The following ANKRD11 variants were observed in gnomAD, a reference collection of about 807,000 sequenced individuals.
ANKRD11 encodes ankyrin repeat domain 11.
In ANKRD11, 17 loss-of-function variants were observed where a neutral mutation model predicts 195.7. The observed-to-expected ratio is 0.09, with a 90% CI of 0.06 to 0.13. The LOEUF is 0.13. ANKRD11 is among the 10% of genes least tolerant of loss of function. ANKRD11 has a pLI of 1.00. For synonymous variants in ANKRD11, 1,953 were observed against 1,528.1 expected, an observed-to-expected ratio of 1.28 and a Z score of -6.49; for missense variants, 3,735 against 3,566.1, an observed-to-expected ratio of 1.05 and a Z score of -1.21.
At chr16:89,341,598 GC>G (rs1339500707) in intron 2 of ANKRD11, among the ~76,000 whole-genome samples, 1 of 152,204 alleles carries the variant, frequency 6.6e-6, no homozygotes, top group Non-Finnish European at 1.5e-5. Context: ...ACCACCCACT[GC>G]CTCCTCTCCC....
intron 4 of ANKRD11, chr16:89,300,446 C>A (rs2035778632): frequency 5.2e-6 from 1 of 193,564 alleles, no homozygotes; most frequent in Admixed American, 6.0e-5. Context: ...TCTCCAGGCA[C>A]CTGCCCCGCC....
rs2034155082 is a variant in ANKRD11, at chr16:89,280,783, G to A, written c.5759C>T (p.Thr1920Met). 2.5e-6 allele frequency: 4 copies of A among 1,611,284 alleles called. No homozygotes were observed. Among genetic ancestry groups the A allele is most frequent in the Non-Finnish European group, 2.5e-6 (3 of 1,178,174 alleles). ...DLDTSEDQQATAAIIPPEPSY... is the reference protein window; with the variant it reads ...DLDTSEDQQAMAAIIPPEPSY... ...GGGCTCCGGGGGGATGATGGCGGCC[G>A]TCGCCTGCTGGTCCTCGGAGGTGTC... The change falls in exon 9 of 13, where the codon ACG becomes ATG. Residue 1920 changes from threonine to methionine, a missense_variant. Thr to Met is a moderately conservative substitution (Grantham distance 81, BLOSUM62 -1). Coordinates refer to ENST00000301030, the MANE Select transcript of ANKRD11 (RefSeq NM_013275.6).
intron 2 of ANKRD11, among the ~76,000 whole-genome samples, chr16:89,396,788 G>A (rs562933354): frequency 6.6e-6 from 1 of 152,274 alleles, no homozygotes; most frequent in Admixed American, 6.5e-5. Context: ...CCAGGTTCAC[G>A]CCGTTCTCCT....
intron 4 of ANKRD11, among the ~76,000 whole-genome samples, chr16:89,302,140 T>A (rs1463017421): frequency 6.6e-6 from 1 of 152,220 alleles, no homozygotes; most frequent in East Asian, 1.9e-4. Flanking sequence ...CCCACTCATT[T>A]CTGAGCAAGA....
chr16:89,318,625 C>T (rs970844015), intron 2 of ANKRD11, among the ~76,000 whole-genome samples: 10 of 152,244 alleles, frequency 6.6e-5, no homozygotes, highest in East Asian at 1.9e-4. Context: ...CTAAAGGATA[C>T]GTTGCATGCC....
chr16:89,419,281 G>A (rs775964648), intron 1 of ANKRD11, among the ~76,000 whole-genome samples: 5 of 151,366 alleles, frequency 3.3e-5, no homozygotes, highest in East Asian at 2.0e-4. Flanking sequence ...GCAAAACCCC[G>A]TCTCTACTGA....
intron 2 of ANKRD11, among the ~76,000 whole-genome samples, chr16:89,384,293 G>A (rs745833780): frequency 3.3e-5 from 5 of 152,224 alleles, no homozygotes; most frequent in Non-Finnish European, 7.3e-5. Flanking sequence ...CACTTTGGGA[G>A]ACCGAGTTGG....
In ANKRD11 at chr16:89,283,085, C is replaced by T; in HGVS notation, c.3457G>A (p.Glu1153Lys). ...LPRTDGLQEK[E>K]EGREAYASDR... Reference sequence around the variant, plus strand: ...GAGGCATAGGCCTCCCGTCCTTCCTCCTTCTCCTGGAGGCCGTCCGTCCTC... The same window carrying T: ...GAGGCATAGGCCTCCCGTCCTTCCTTCTTCTCCTGGAGGCCGTCCGTCCTC... The change falls in exon 9 of 13, where the codon GAG (glutamate) becomes AAG (lysine). Residue 1153 changes from glutamate to lysine, a missense_variant. Coordinates refer to ENST00000301030, the MANE Select transcript of ANKRD11 (RefSeq NM_013275.6). The surrounding 1 kb of genome is among the most constrained non-coding windows in gnomAD (Gnocchi z 4.3). 2 of 1,614,054 alleles carry T rather than the reference C, an allele frequency of 1.2e-6. No homozygotes were observed. Among genetic ancestry groups the T allele is most frequent in the Non-Finnish European group, 1.7e-6 (2 of 1,180,028 alleles).
intron 2 of ANKRD11, chr16:89,323,203 C>A (rs971092612): frequency 1.7e-5 from 14 of 818,032 alleles, no homozygotes; most frequent in Admixed American, 9.7e-5. Context: ...GGAGAGAAGT[C>A]TCCAACGGAC....
intron 2 of ANKRD11, among the ~76,000 whole-genome samples, chr16:89,399,787 C>A (rs1170298179): frequency 3.1e-5 from 4 of 127,246 alleles, no homozygotes; most frequent in Admixed American, 2.5e-4. Context: ...GAACCTAAAG[C>A]TAATATAAAA....
At chr16:89,287,116 G>A (rs571250448) in intron 7 of ANKRD11, 760 of 1,289,658 alleles carry the variant, frequency 5.9e-4, no homozygotes, top group Non-Finnish European at 7.4e-4. Flanking sequence ...CATGGGGGCT[G>A]CTGGCAGAAT....
Position 89,284,730 on chromosome 16 carries a change from C to A in ANKRD11, c.1812G>T (p.Leu604=). 1 of 1,613,766 alleles carries A rather than the reference C, an allele frequency of 6.2e-7. No homozygotes were observed. Among genetic ancestry groups the A allele is most frequent in the Non-Finnish European group, 8.5e-7 (1 of 1,179,978 alleles). The change falls in exon 9 of 13, where the codon CTG becomes CTT. Residue 604 remains leucine, a synonymous_variant. Transcript: ENST00000301030. ...KRQEHRKRAS[L]SEKKSPFLSS... ...ACAGGAAGGGGCTCTTCTTCTCCGA[C>A]AGGGAGGCTCGCTTCCTGTGCTCCT... is the stretch of plus-strand genomic sequence containing the variant.
Position 89,285,256 on chromosome 16 carries a change from G to C in ANKRD11, c.1286C>G (p.Ser429Trp). The change falls in exon 9 of 13, where the codon TCG (serine) becomes TGG (tryptophan). Residue 429 changes from serine to tryptophan, a missense_variant. Physicochemically the swap from Ser to Trp is radical, Grantham distance 177. Coordinates refer to ENST00000301030, the MANE Select transcript of ANKRD11 (RefSeq NM_013275.6). The surrounding 1 kb of genome is among the most constrained non-coding windows in gnomAD (Gnocchi z 5.6). ...TVGTGEKLRL[S>W]AHTILPGSKT... is the part of the protein sequence containing the mutation. ...ACTACCAGGCAATATCGTATGTGCC[G>C]AGAGTCTCAGCTTCTCTCCTGTCCC... 1 of 1,613,652 alleles carries C rather than the reference G, an allele frequency of 6.2e-7. No individual in the cohort carries two copies. The highest frequency in any genetic ancestry group is 8.5e-7 in the Non-Finnish European group (1 of 1,180,010).
chr16:89,447,950 G>A (rs1290824015), intron 1 of ANKRD11, among the ~76,000 whole-genome samples: 5 of 151,968 alleles, frequency 3.3e-5, no homozygotes, highest in Non-Finnish European at 4.4e-5. Context: ...GACTACAGGC[G>A]CCCACCACCA....
At chr16:89,420,802 A>G (rs1202216120) in intron 1 of ANKRD11, among the ~76,000 whole-genome samples, 1 of 152,202 alleles carries the variant, frequency 6.6e-6, no homozygotes, top group Non-Finnish European at 1.5e-5. Flanking sequence ...CTGCGGCCTC[A>G]ACCTCCTGGG....
Position 89,271,238 on chromosome 16 carries a change from C to CT in ANKRD11, c.7714-330dup, listed in dbSNP as rs11329471. ...GCCCACTGCCAACTCCTGGGAGAGA[C>CT]TTTTTTTTTTTTTTTTAAGAGACAG... On this transcript the variant is annotated intron_variant, in intron 11 of 12. Coordinates refer to ENST00000301030, the MANE Select transcript of ANKRD11 (RefSeq NM_013275.6). 2,862 of 303,010 alleles carry CT rather than the reference C, an allele frequency of 9.4e-3. 24 individuals carry two copies. Among genetic ancestry groups the CT allele is most frequent in the African/African-American group, 0.034 (1,451 of 42,848 alleles). The allele number at this position is 303,010 out of a possible 1,614,324, so 18.8% of individuals were successfully genotyped here.
At chr16:89,372,162 G>A (rs902221796) in intron 2 of ANKRD11, among the ~76,000 whole-genome samples, 4 of 152,206 alleles carry the variant, frequency 2.6e-5, no homozygotes, top group Admixed American at 1.3e-4. Context: ...AAGAAGGACC[G>A]GCGCCCACTC....
chr16:89,314,311 A>G (rs1033836546), intron 3 of ANKRD11, among the ~76,000 whole-genome samples: 1 of 152,184 alleles, frequency 6.6e-6, no homozygotes, highest in Non-Finnish European at 1.5e-5. Flanking sequence ...AACCCATAAC[A>G]CAGCTACCTT....
In ANKRD11 at chr16:89,280,731, A is replaced by T. The variant is rs1408919719; in HGVS notation, c.5811T>A (p.Gly1937=). The T allele has an allele frequency of 1.2e-6, 2 of 1,612,644 alleles. No homozygotes were observed. The highest frequency in any genetic ancestry group is 8.5e-7 in the Non-Finnish European group (1 of 1,179,770). The change falls in exon 9 of 13, where the codon GGT becomes GGA. Residue 1937 remains glycine, a synonymous_variant. Transcript: ENST00000301030. ...EPSYLEPLDE[G]PFSAVITEEP... is the part of the protein sequence containing the mutation. Reference sequence around the variant, plus strand: ...CCTCGGTGATGACGGCGCTGAAGGGACCCTCGTCCAGCGGCTCCAGGTAGC... The same window carrying T: ...CCTCGGTGATGACGGCGCTGAAGGGTCCCTCGTCCAGCGGCTCCAGGTAGC...
Sources: allele counts gnomAD v4.1 joint callset (sites outside exome capture counted in the v4.1 genomes callset), GRCh38; gene constraint gnomAD v4.1.1; non-coding constraint Gnocchi (gnomAD v3.1); transcripts MANE v1.5; gene names NCBI Gene and HGNC (gene_info 2026-07-23, HGNC 2026-07-21).